PLCD4: variants seen among roughly 807,000 people sequenced by gnomAD.
The protein encoded by PLCD4 is phospholipase C delta 4.
In PLCD4, 63 loss-of-function variants were observed where a neutral mutation model predicts 90.2. The observed-to-expected ratio is 0.70, with a 90% CI of 0.57 to 0.86. The LOEUF (loss-of-function observed/expected upper bound fraction) is 0.86. Among genes scored for constraint, PLCD4 ranks in the 40% least tolerant of loss-of-function variants. The pLI, the probability that PLCD4 is intolerant of heterozygous loss-of-function variation, is 0.00. For missense variants in PLCD4, 830 were observed against 956.3 expected (o/e 0.87, Z 1.74); for synonymous variants, 294 against 356.5 (o/e 0.82, Z 1.97).
intron 1 of PLCD4, among the ~76,000 whole-genome samples, 190 bp from the exon 2 acceptor site, chr2:218,615,517 C>T (rs114404181): frequency 1.3e-5 from 2 of 152,264 alleles, no homozygotes; most frequent in East Asian, 3.9e-4. Flanking sequence ...TGAAGATAGC[C>T]ATGGGAAATA....
intron 4 of PLCD4, among the ~76,000 whole-genome samples, chr2:218,620,309 G>A (rs1364517407): frequency 6.6e-6 from 1 of 152,084 alleles, no homozygotes; most frequent in Non-Finnish European, 1.5e-5. Flanking sequence ...TTCGACATCA[G>A]CCTGGCCAAC....
At chr2:218,612,531 A>G (rs1695387712) in intron 1 of PLCD4, among the ~76,000 whole-genome samples, 1 of 152,130 alleles carries the variant, frequency 6.6e-6, no homozygotes, top group Non-Finnish European at 1.5e-5. Context: ...CAGCACTTGG[A>G]GAGGCCAAGG....
chr2:218,619,961 G>A (rs1481342296), intron 4 of PLCD4, among the ~76,000 whole-genome samples: 1 of 152,066 alleles, frequency 6.6e-6, no homozygotes, highest in African/African-American at 2.4e-5. Context: ...CACTGCAGCC[G>A]TGACAGCCTG....
In PLCD4 at chr2:218,633,902, G is replaced by T. The variant is rs574737610; in HGVS notation, c.1606+141G>T. 110 of 1,237,970 alleles carry T rather than the reference G, an allele frequency of 8.9e-5. 3 individuals are homozygous for T. In the South Asian group the frequency reaches 1.4e-3, roughly 16 times the overall value. The allele number at this position is 1,237,970 out of a possible 1,614,324, so 76.7% of individuals were successfully genotyped here. On this transcript the variant is annotated intron_variant, in intron 11 of 15. Transcript: ENST00000450993. ...TTCAGAAACTCCTTAGAGCAGACAA[G>T]GGCAGAGGAGTTATGAATAGTGGCT...
rs1559279809 is a variant in PLCD4 at position 218,636,269 on chromosome 2, CTA to C, written c.2061_2062del (p.Cys688PhefsTer7). The C allele has an allele frequency of 6.8e-6, 11 of 1,614,054 alleles. No individual in the cohort carries two copies. The highest frequency in any genetic ancestry group is 9.3e-6 in the Non-Finnish European group (11 of 1,179,896). ...NGFNPYWGQT[L>X]CFRVLVPELA... ...TTTTAATCCATACTGGGGGCAGACA[CTA>C]TGTTTCCGGGTGCTGGTGCCTGAAC... On this transcript the variant is annotated frameshift_variant, in exon 15 of 16. Coordinates refer to ENST00000450993, the MANE Select transcript of PLCD4 (RefSeq NM_032726.4). LOFTEE classifies it high-confidence loss of function.
intron 2 of PLCD4, 39 bp downstream of exon 2, chr2:218,615,800 G>C (rs371303606): frequency 6.2e-7 from 1 of 1,602,248 alleles, no homozygotes; most frequent in Non-Finnish European, 8.5e-7. Flanking sequence ...AGGCCTTAGT[G>C]TACAGCTCAG....
intron 6 of PLCD4, among the ~76,000 whole-genome samples, chr2:218,627,803 C>T (rs1219232415): frequency 2.0e-5 from 3 of 152,156 alleles, no homozygotes; most frequent in East Asian, 1.9e-4. Context: ...TGAGGCACCG[C>T]GCCCAGCCTT....
chr2:218,614,952 G>A (rs111538608), intron 1 of PLCD4, among the ~76,000 whole-genome samples: 45 of 152,154 alleles, frequency 3.0e-4, no homozygotes, highest in African/African-American at 1.1e-3. Flanking sequence ...AGTCTGGCCG[G>A]GTGCAGTGGC....
rs759161687 is a variant in PLCD4 at position 218,618,581 on chromosome 2, T to A, written c.184T>A (p.Ser62Thr). ...TCCACCTGTTTCTTCTCTGGCAGTC[T>A]CAATCTCTGATGTGGAGACAATACG... ...QARGSAKPSFSISDVETIRNG... is the reference protein window; with the variant it reads ...QARGSAKPSFTISDVETIRNG... Residue 62 changes from serine to threonine, a missense_variant and splice_region_variant, in exon 4 of 16, where the codon TCA (serine) becomes ACA (threonine). Physicochemically the swap from Ser to Thr is moderately conservative, Grantham distance 58. Transcript: ENST00000450993. The A allele has an allele frequency of 6.2e-7, 1 of 1,613,836 alleles. No homozygotes were observed.
At chr2:218,627,937 C>CAA in intron 6 of PLCD4, 92 bp from the exon 7 acceptor site, 1 of 1,220,270 alleles carries the variant, frequency 8.2e-7, no homozygotes, top group Non-Finnish European at 1.2e-6. Context: ...AGGCAGGGCT[C>CAA]TGGATGGAGT....
chr2:218,629,781 A>T (rs1321340522), intron 8 of PLCD4, 118 bp downstream of exon 8: 8 of 1,125,544 alleles, frequency 7.1e-6, no homozygotes, highest in Non-Finnish European at 1.0e-5. Flanking sequence ...AGAGGATTTA[A>T]CTGTAAAGCA....
chr2:218,622,527 C>T (rs1443058352), intron 5 of PLCD4, 120 bp from the exon 6 acceptor site: 2 of 558,352 alleles, frequency 3.6e-6, no homozygotes, highest in East Asian at 3.0e-5. Context: ...ATCTAATTTA[C>T]TGTATAAATA....
chr2:218,624,832 C>T (rs543134009), intron 6 of PLCD4, among the ~76,000 whole-genome samples: 166 of 151,456 alleles, frequency 1.1e-3, no homozygotes, highest in Middle Eastern at 6.9e-3. Flanking sequence ...ATCTCTAGGC[C>T]GGGCGCTGTG....
At chr2:218,625,022 G>T (rs1169156221) in intron 6 of PLCD4, among the ~76,000 whole-genome samples, 1 of 127,498 alleles carries the variant, frequency 7.8e-6, no homozygotes, top group East Asian at 2.6e-4. Flanking sequence ...TGAGACAGGA[G>T]AATTGCTTGA....
intron 6 of PLCD4, among the ~76,000 whole-genome samples, chr2:218,627,706 G>T (rs183074553): frequency 6.6e-6 from 1 of 152,102 alleles, no homozygotes; most frequent in South Asian, 2.1e-4. Context: ...TAGAGATGGG[G>T]TTTCACCGTG....
chr2:218,627,593 A>G (rs1696172389), intron 6 of PLCD4, among the ~76,000 whole-genome samples: 1 of 151,850 alleles, frequency 6.6e-6, no homozygotes, highest in African/African-American at 2.4e-5. Context: ...GCTCACTGCA[A>G]GCTCTGCCTC....
intron 9 of PLCD4, among the ~76,000 whole-genome samples, chr2:218,631,791 C>CAA (rs34357387): frequency 8.7e-5 from 6 of 68,836 alleles, no homozygotes; most frequent in African/African-American, 1.6e-4. Context: ...GACTCCGTCT[C>CAA]AAAAAAAAAA....
At chr2:218,619,457 C>T (rs986029701) in intron 4 of PLCD4, among the ~76,000 whole-genome samples, 1 of 151,966 alleles carries the variant, frequency 6.6e-6, no homozygotes, top group Non-Finnish European at 1.5e-5. Flanking sequence ...CCACGCCCAG[C>T]TAATTTTTGT....
chr2:218,624,996 CAG>C (rs771032320), intron 6 of PLCD4, among the ~76,000 whole-genome samples: 18 of 149,816 alleles, frequency 1.2e-4, no homozygotes, highest in Non-Finnish European at 2.2e-4. Context: ...CCTGTAATCC[CAG>C]TTACTCGGGA....
Sources: gnomAD v4.1 joint callset for allele counts (sites outside exome capture counted in the v4.1 genomes callset) on GRCh38, gnomAD v4.1.1 for gene constraint, MANE v1.5 for transcripts, NCBI Gene and HGNC (gene_info 2026-07-23, HGNC 2026-07-21) for gene names.